ZFP36L2: variants seen among roughly 807,000 people sequenced by gnomAD.
ZFP36L2 encodes the protein mRNA decay activator protein ZFP36L2.
A neutral mutation model predicts 27.9 loss-of-function variants in ZFP36L2; 16 were observed. That is an observed-to-expected ratio of 0.57 (90% confidence interval 0.39 to 0.87). The LOEUF (loss-of-function observed/expected upper bound fraction) is 0.87. Ranked by LOEUF, ZFP36L2 falls within the 40% of genes least tolerant of loss-of-function variation. ZFP36L2 has a pLI of 0.00. For missense variants in ZFP36L2, 989 were observed against 726.9 expected, an observed-to-expected ratio of 1.36 and a Z score of -4.15; for synonymous variants, 600 against 363.8, an observed-to-expected ratio of 1.65 and a Z score of -7.39.
In ZFP36L2 at chr2:43,224,667, C is replaced by G. The variant is rs1288756611; in HGVS notation, c.1137G>C (p.Gln379His). ...CGGCCACGGCGGCAAAGTTGTGGGT[C>G]TGGATGGCGAGCGGCGTGATGAGGC... ...LSSLITPLAI[Q>H]THNFAAVAAA... The change falls in exon 2 of 2, where the codon CAG becomes CAC. Residue 379 changes from glutamine (Q) to histidine (H), a missense_variant. Gln to His is a conservative substitution (Grantham distance 24). Transcript: ENST00000282388. 2.0e-6 allele frequency: 3 copies of G among 1,536,600 alleles called. No individual in the cohort carries two copies. The highest frequency in any genetic ancestry group is 2.9e-5 in the African/African-American group (2 of 69,768).
At position 43,224,708 on chromosome 2, in the gene ZFP36L2, C is replaced by G; in HGVS notation, c.1096G>C (p.Gly366Arg). 2.0e-6 allele frequency: 3 copies of G among 1,533,282 alleles called. No individual in the cohort carries two copies. The highest frequency in any genetic ancestry group is 1.4e-5 in the African/African-American group (1 of 69,948). 95.0% of individuals were successfully genotyped at this position (1,533,282 alleles called of 1,614,324 possible). ...GTGATGAGGCTGCTGAGCTCCGGACCGAAGGCGAAGGCGTTGTTGGCGCAC... is the reference window on the plus strand; with the variant it reads ...GTGATGAGGCTGCTGAGCTCCGGACGGAAGGCGAAGGCGTTGTTGGCGCAC... ...ASCANNAFAFGPELSSLITPL... is the reference protein window; with the variant it reads ...ASCANNAFAFRPELSSLITPL... The change falls in exon 2 of 2, where the codon GGT becomes CGT. Residue 366 changes from glycine to arginine, a missense_variant. Gly to Arg is a moderately radical substitution (Grantham distance 125). Transcript: ENST00000282388.
In ZFP36L2 at chr2:43,224,626, C is replaced by A; in HGVS notation, c.1178G>T (p.Arg393Leu). 1 of 1,473,744 alleles carries A rather than the reference C, an allele frequency of 6.8e-7. No individual in the cohort carries two copies. Among genetic ancestry groups the A allele is most frequent in the South Asian group, 1.3e-5 (1 of 77,210 alleles). The allele number at this position is 1,473,744 out of a possible 1,614,324, so 91.3% of individuals were successfully genotyped here. Residue 393 changes from arginine (R) to leucine (L), a missense_variant, in exon 2 of 2, where the codon CGC (arginine) becomes CTC (leucine). Transcript: ENST00000282388. ...CTGCTGCTGCTGCTGCTGCTGACTG[C>A]GGTAGTAGGCGGCGGCGGCCACGGC... ...FAAVAAAAYY[R>L]SQQQQQQQGL...
At position 43,226,245 on chromosome 2, in the gene ZFP36L2, G is replaced by A. The variant is rs1192124278; in HGVS notation, c.51+20C>T. 2.5e-6 allele frequency: 4 copies of A among 1,568,876 alleles called. No individual in the cohort carries two copies. Among genetic ancestry groups the A allele is most frequent in the East Asian group, 2.4e-5 (1 of 42,198 alleles). ...AGAACTACAACGGCTGCTGCCGGCC[G>A]GGCCCGCTCCCTGGCCTACCTTGCA... On this transcript the variant is annotated intron_variant, in intron 1 of 1. Coordinates refer to ENST00000282388, the MANE Select transcript of ZFP36L2 (RefSeq NM_006887.5).
In ZFP36L2 at chr2:43,224,864, TGGAGGCCGC is replaced by T. The variant is rs747450771; in HGVS notation, c.931_939del (p.Ala311_Ser313del). On this transcript the variant is annotated inframe_deletion, in exon 2 of 2. Transcript: ENST00000282388. The stretch of plus-strand genomic sequence containing the variant: ...CAGCATGTCGGGGCGCCCGAGGGCG[TGGAGGCCGC>T]GGAGGCCGAGGAACAGGAGGAGGCG... The T allele has an allele frequency of 2.6e-5, 39 of 1,489,478 alleles. No individual in the cohort carries two copies. Among genetic ancestry groups the T allele is most frequent in the Middle Eastern group, 2.3e-4 (1 of 4,306 alleles). 92.3% of individuals were successfully genotyped at this position (1,489,478 alleles called of 1,614,324 possible). A position where few individuals can be genotyped will look rare whatever the true frequency, so the allele number is the denominator to read the frequency against.
chr2:43,226,234 T>C, intron 1 of ZFP36L2, 31 bp downstream of exon 1: 2 of 1,562,410 alleles, frequency 1.3e-6, no homozygotes, highest in Non-Finnish European at 8.7e-7. Context: ...CTACAACGGC[T>C]GCTGCCGGCC....
At position 43,223,551 on chromosome 2, in the gene ZFP36L2, A is replaced by ATT. The variant is rs1667012757; in HGVS notation, c.*766_*767dup. 6.6e-6 allele frequency: 1 copy of ATT among 152,650 alleles called. No individual in the cohort carries two copies. The highest frequency in any genetic ancestry group is 1.5e-5 in the Non-Finnish European group (1 of 68,042). 9.5% of individuals were successfully genotyped at this position (152,650 alleles called of 1,614,324 possible). A position where few individuals can be genotyped will look rare whatever the true frequency, so the allele number is the denominator to read the frequency against. The stretch of plus-strand genomic sequence containing the variant: ...AAAATTCAGCAGTTATTCTCCAACA[A>ATT]TTACAAAGTAAGCTCTGCGCAAGGC... On this transcript the variant is annotated 3_prime_UTR_variant, in exon 2 of 2. Transcript: ENST00000282388.
rs1488635076 is a variant in ZFP36L2 at position 43,226,515 on chromosome 2, A to C, written c.-200T>G. ...GTCCGGCGGAGTGCGGCAGGGGGGA[A>C]GGAGAGAAGCGAGGAGCGCTCCTCC... is the stretch of plus-strand genomic sequence containing the variant. On this transcript the variant is annotated 5_prime_UTR_variant, in exon 1 of 2. Transcript: ENST00000282388. The C allele has an allele frequency of 1.6e-6, 1 of 608,800 alleles. No homozygotes were observed. The highest frequency in any genetic ancestry group is 3.5e-5 in the Admixed American group (1 of 28,526). 37.7% of individuals were successfully genotyped at this position (608,800 alleles called of 1,614,324 possible). A position where few individuals can be genotyped will look rare whatever the true frequency, so the allele number is the denominator to read the frequency against.
chr2:43,225,669 G>A lies in ZFP36L2; in HGVS notation c.135C>T (p.Ser45=), dbSNP rs546787400. 12 of 1,590,054 alleles carry A rather than the reference G, an allele frequency of 7.5e-6. No homozygotes were observed. Among genetic ancestry groups the A allele is most frequent in the South Asian group, 4.4e-5 (4 of 90,148 alleles). ...AVGTPVAAAP[S]SGFAPGFLRR... ...GGAGGAATCCCGGCGCGAAGCCCGA[G>A]CTGGGGGCGGCGGCCACAGGCGTCC... Residue 45 remains serine, a synonymous_variant, in exon 2 of 2, where the codon AGC becomes AGT. Coordinates refer to ENST00000282388, the MANE Select transcript of ZFP36L2 (RefSeq NM_006887.5).
Position 43,226,538 on chromosome 2 carries a change from T to G in ZFP36L2, c.-223A>C. ...GAAGGAGAGAAGCGAGGAGCGCTCC[T>G]CCGCGCCCCGGGGTGCCCGGCCCGC... On this transcript the variant is annotated 5_prime_UTR_variant, in exon 1 of 2. Coordinates refer to ENST00000282388, the MANE Select transcript of ZFP36L2 (RefSeq NM_006887.5). 3.8e-6 allele frequency: 2 copies of G among 531,328 alleles called. No individual in the cohort carries two copies. The highest frequency in any genetic ancestry group is 2.4e-5 in the South Asian group (1 of 42,040). The allele number at this position is 531,328 out of a possible 1,614,324, so 32.9% of individuals were successfully genotyped here.
chr2:43,225,586 C>A lies in ZFP36L2; in HGVS notation c.218G>T (p.Ser73Ile). The A allele has an allele frequency of 1.3e-6, 2 of 1,559,062 alleles. No individual in the cohort carries two copies. The highest frequency in any genetic ancestry group is 2.3e-5 in the East Asian group (1 of 42,900). ...GGCGCCCGGGAACTTGGGCGAGCAGCTGCCGGGGCTGGGCGCGGGGTGGGC... is the reference window on the plus strand; with the variant it reads ...GGCGCCCGGGAACTTGGGCGAGCAGATGCCGGGGCTGGGCGCGGGGTGGGC... The part of the protein sequence containing the change: ...ALAHPAPSPG[S>I]CSPKFPGAAN... The change falls in exon 2 of 2, where the codon AGC becomes ATC. Residue 73 changes from serine to isoleucine, a missense_variant. Coordinates refer to ENST00000282388, the MANE Select transcript of ZFP36L2 (RefSeq NM_006887.5).
In ZFP36L2 at chr2:43,225,598, G is replaced by T; in HGVS notation, c.206C>A (p.Pro69His). Residue 69 changes from proline (P) to histidine (H), a missense_variant, in exon 2 of 2, where the codon CCC (proline) becomes CAC (histidine). Coordinates refer to ENST00000282388, the MANE Select transcript of ZFP36L2 (RefSeq NM_006887.5). ...SNLHALAHPAPSPGSCSPKFP... is the reference protein window; with the variant it reads ...SNLHALAHPAHSPGSCSPKFP... ...CTTGGGCGAGCAGCTGCCGGGGCTG[G>T]GCGCGGGGTGGGCGAGTGCATGCAG... is the stretch of plus-strand genomic sequence containing the variant. 1 of 1,557,936 alleles carries T rather than the reference G, an allele frequency of 6.4e-7. No individual in the cohort carries two copies. The highest frequency in any genetic ancestry group is 8.6e-7 in the Non-Finnish European group (1 of 1,158,130).
intron 1 of ZFP36L2, 39 bp downstream of exon 1, chr2:43,226,226 A>G: frequency 1.3e-6 from 2 of 1,557,614 alleles, no homozygotes; most frequent in South Asian, 1.2e-5. Context: ...TCCAAGAACT[A>G]CAACGGCTGC....
In ZFP36L2 at chr2:43,223,908, T is replaced by C. The variant is rs75275902; in HGVS notation, c.*411A>G. On this transcript the variant is annotated 3_prime_UTR_variant, in exon 2 of 2. Transcript: ENST00000282388. ...AACTAATGCTGTTCAAGTGAAGAGA[T>C]GGAATGGTGGTTGGTAGCTGCTGGT... The C allele has an allele frequency of 4.0e-3, 654 of 161,902 alleles. 7 individuals carry two copies. Among genetic ancestry groups the C allele is most frequent in the African/African-American group, 0.014 (593 of 41,764 alleles). 10.0% of individuals were successfully genotyped at this position (161,902 alleles called of 1,614,324 possible). A position where few individuals can be genotyped will look rare whatever the true frequency, so the allele number is the denominator to read the frequency against.
In ZFP36L2 at chr2:43,224,642, C is replaced by G; in HGVS notation, c.1162G>C (p.Ala388Pro). 1 of 1,500,338 alleles carries G rather than the reference C, an allele frequency of 6.7e-7. No homozygotes were observed. 92.9% of individuals were successfully genotyped at this position (1,500,338 alleles called of 1,614,324 possible). Reference protein sequence around the residue: ...IQTHNFAAVAAAAYYRSQQQQ... With the variant: ...IQTHNFAAVAPAAYYRSQQQQ... ...TGCTGACTGCGGTAGTAGGCGGCGG[C>G]GGCCACGGCGGCAAAGTTGTGGGTC... Residue 388 changes from alanine to proline, a missense_variant, in exon 2 of 2, where the codon GCC becomes CCC. Ala to Pro is a conservative substitution (Grantham distance 27). Transcript: ENST00000282388.
intron 1 of ZFP36L2, 43 bp from the exon 2 acceptor site, chr2:43,225,795 G>A (rs200170190): frequency 2.1e-5 from 32 of 1,548,778 alleles, no homozygotes; most frequent in Non-Finnish European, 2.6e-5. Context: ...AAAACGGAAG[G>A]GGAAGACAGA....
At position 43,224,756 on chromosome 2, in the gene ZFP36L2, A is replaced by C. The variant is rs1256258577; in HGVS notation, c.1048T>G (p.Cys350Gly). 4 of 1,501,620 alleles carry C rather than the reference A, an allele frequency of 2.7e-6. No homozygotes were observed. Among genetic ancestry groups the C allele is most frequent in the African/African-American group, 1.4e-5 (1 of 69,534 alleles). 93.0% of individuals were successfully genotyped at this position (1,501,620 alleles called of 1,614,324 possible). The change falls in exon 2 of 2, where the codon TGC becomes GGC. Residue 350 changes from cysteine to glycine, a missense_variant. By Grantham distance (159) the Cys-to-Gly change is radical. Coordinates refer to ENST00000282388, the MANE Select transcript of ZFP36L2 (RefSeq NM_006887.5). The part of the protein sequence containing the change: ...AEDLLAPGAP[C>G]AACSSASCAN... ...CACGAGGCCGACGAGCAGGCCGCGC[A>C]CGGGGCCCCCGGCGCCAGCAGGTCC...
In ZFP36L2 at chr2:43,225,049, G is replaced by A. The variant is rs1572681570; in HGVS notation, c.755C>T (p.Pro252Leu). The change falls in exon 2 of 2, where the codon CCC becomes CTC. Residue 252 changes from proline (P) to leucine (L), a missense_variant. Pro to Leu is a moderately conservative substitution (Grantham distance 98). Transcript: ENST00000282388. ...GAAGCTGAGGCTGTGGTGCAACTTG[G>A]GCCGCGGCTCCCGCGGGAAGCCCAG... ...LHLGFPREPRPKLHHSLSFSG... is the reference protein window; with the variant it reads ...LHLGFPREPRLKLHHSLSFSG... 1 of 1,595,118 alleles carries A rather than the reference G, an allele frequency of 6.3e-7. No individual in the cohort carries two copies. Among genetic ancestry groups the A allele is most frequent in the Non-Finnish European group, 8.5e-7 (1 of 1,178,162 alleles).
At position 43,225,156 on chromosome 2, in the gene ZFP36L2, G is replaced by A. The variant is rs766431323; in HGVS notation, c.648C>T (p.His216=). 9.4e-6 allele frequency: 15 copies of A among 1,596,806 alleles called. No homozygotes were observed. Among genetic ancestry groups the A allele is most frequent in the Non-Finnish European group, 1.3e-5 (15 of 1,179,054 alleles). The change falls in exon 2 of 2, where the codon CAC becomes CAT. Residue 216 remains histidine, a synonymous_variant. Transcript: ENST00000282388. ...GCGCGGGCCGCCGCTCGTCCGCGTT[G>A]TGGATGAAGTGGCAGCGCGGCCCAT... ...CPYGPRCHFI[H]NADERRPAPS... is the part of the protein sequence containing the mutation.
rs756020242 is a variant in ZFP36L2, at chr2:43,224,794, G to T, written c.1010C>A (p.Thr337Asn). The T allele has an allele frequency of 3.4e-6, 5 of 1,460,762 alleles. No homozygotes were observed. Among genetic ancestry groups the T allele is most frequent in the Non-Finnish European group, 4.5e-6 (5 of 1,115,376 alleles). 90.5% of individuals were successfully genotyped at this position (1,460,762 alleles called of 1,614,324 possible). The change falls in exon 2 of 2, where the codon ACC (threonine) becomes AAC (asparagine). Residue 337 changes from threonine to asparagine, a missense_variant. Thr to Asn is a moderately conservative substitution (Grantham distance 65). Coordinates refer to ENST00000282388, the MANE Select transcript of ZFP36L2 (RefSeq NM_006887.5). ...CGCCAGCAGGTCCTCGGCGCCCCCG[G>T]TGCCGTACAGCAGAGCGGCCGCAGC... is the stretch of plus-strand genomic sequence containing the variant. Reference protein sequence around the residue: ...AAAAAALLYGTGGAEDLLAPG... With the variant: ...AAAAAALLYGNGGAEDLLAPG...
Sources: gnomAD v4.1 joint callset for allele counts on GRCh38, gnomAD v4.1.1 for gene constraint, MANE v1.5 for transcripts, NCBI Gene and HGNC (gene_info 2026-07-23, HGNC 2026-07-21) for gene names.